FRMD4A: variants seen among roughly 807,000 people sequenced by gnomAD.
FRMD4A encodes the protein FERM domain containing 4A, also known as FERM domain-containing protein 4A.
FRMD4A carries 29 observed loss-of-function variants against 129.1 expected under a neutral mutation model. The observed-to-expected ratio is 0.22, with a 90% CI of 0.17 to 0.31. FRMD4A has a LOEUF of 0.31. FRMD4A is among the 10% of genes least tolerant of loss of function. The pLI is 1.00. For synonymous variants in FRMD4A, 634 were observed against 571.6 expected (o/e 1.11, Z -1.56); for missense variants, 1,272 against 1,375.8 (o/e 0.92, Z 1.19).
chr10:13,805,077 T>C (rs1365832346), intron 4 of FRMD4A, among the ~76,000 whole-genome samples: 1 of 152,202 alleles, frequency 6.6e-6, no homozygotes, highest in East Asian at 1.9e-4. Context: ...GGAAAGGGAA[T>C]ATAACTTCAA....
At chr10:13,650,840 C>G (rs1206455190) in intron 24 of FRMD4A, among the ~76,000 whole-genome samples, 1 of 152,220 alleles carries the variant, frequency 6.6e-6, no homozygotes, top group African/African-American at 2.4e-5. Context: ...CCTGTCTAAG[C>G]CCCCTCCTCC....
chr10:14,190,068 C>A (rs891804144), intron 2 of FRMD4A, among the ~76,000 whole-genome samples: 1 of 152,194 alleles, frequency 6.6e-6, no homozygotes, highest in Non-Finnish European at 1.5e-5. Context: ...ATATATTTGA[C>A]AAAACTTGTC....
intron 2 of FRMD4A, among the ~76,000 whole-genome samples, chr10:13,859,978 T>G (rs1159477525): frequency 3.3e-5 from 5 of 152,116 alleles, no homozygotes; most frequent in Non-Finnish European, 7.3e-5. Flanking sequence ...CAAAAATAAA[T>G]GGGCCGAGCC....
intron 2 of FRMD4A, among the ~76,000 whole-genome samples, chr10:14,183,377 A>G (rs1181835601): frequency 6.6e-6 from 1 of 152,232 alleles, no homozygotes; most frequent in African/African-American, 2.4e-5. Context: ...TAATTTTACA[A>G]GTTGGAATGG....
rs763606456 is a variant in FRMD4A at position 13,657,057 on chromosome 10, G to A, written c.2532C>T (p.Gly844=). ...GGCTGCGCACCACCACGGGCGTGGC[G>A]CCGCCCTCGATGTACAGCGGGTACT... The part of the protein sequence containing the change: ...IKEYPLYIEG[G]ATPVVVRSLE... Residue 844 remains glycine, a synonymous_variant, in exon 22 of 25, where the codon GGC becomes GGT. Transcript: ENST00000357447. The A allele has an allele frequency of 7.0e-6, 11 of 1,572,862 alleles. No homozygotes were observed. The highest frequency in any genetic ancestry group is 2.4e-5 in the East Asian group (1 of 42,260).
chr10:14,310,768 T>C (rs1846521442), intron 2 of FRMD4A, among the ~76,000 whole-genome samples: 3 of 152,186 alleles, frequency 2.0e-5, no homozygotes, highest in Admixed American at 6.5e-5. Context: ...TTATGTGCCC[T>C]ATGTAAATCA....
At chr10:14,065,435 C>T (rs563993531) in intron 2 of FRMD4A, among the ~76,000 whole-genome samples, 1 of 152,284 alleles carries the variant, frequency 6.6e-6, no homozygotes, top group Non-Finnish European at 1.5e-5. Context: ...TCTGCCTTGG[C>T]CTCCCAAAGT....
intron 2 of FRMD4A, among the ~76,000 whole-genome samples, chr10:13,900,544 G>T (rs2131191510): frequency 6.6e-6 from 1 of 152,252 alleles, no homozygotes; most frequent in East Asian, 1.9e-4. Flanking sequence ...GTATACTCAA[G>T]TACCTTCGGC....
chr10:13,836,004 G>GTTTTTGTTTTC, intron 3 of FRMD4A, among the ~76,000 whole-genome samples: 1 of 99,256 alleles, frequency 1.0e-5, no homozygotes, highest in Non-Finnish European at 2.1e-5. Context: ...GAGAATTCAA[G>GTTTTTGTTTTC]ATTTTGTTTT....
chr10:13,680,544 G>A (rs2084468055), intron 15 of FRMD4A, among the ~76,000 whole-genome samples: 1 of 151,064 alleles, frequency 6.6e-6, no homozygotes, highest in East Asian at 2.0e-4. Context: ...GGCCAACATG[G>A]CGAAACCCTG....
rs71388155 is a variant in FRMD4A at position 14,055,462 on chromosome 10, AACACACACACACAC to A, written c.46-196564_46-196551del. On this transcript the variant is annotated intron_variant, in intron 2 of 24. Coordinates refer to ENST00000357447, the MANE Select transcript of FRMD4A (RefSeq NM_018027.5). ...CTACACACACACACACACACACACA[AACACACACACACAC>A]ACACACACACACACACACACACTCA... Among the ~76,000 whole-genome samples the A allele has an allele frequency of 6.7e-3, 519 of 77,506 alleles. 3 individuals are homozygous for A. Among genetic ancestry groups the A allele is most frequent in the Non-Finnish European group, 0.012 (409 of 35,316 alleles). The allele number at this position is 77,506 out of a possible 152,430, so 50.8% of individuals were successfully genotyped here.
intron 19 of FRMD4A, among the ~76,000 whole-genome samples, chr10:13,662,089 A>G (rs907566277): frequency 6.6e-6 from 1 of 152,142 alleles, no homozygotes; most frequent in South Asian, 2.1e-4. Context: ...CCGTGACATT[A>G]CCTATTGCTC....
chr10:14,293,386 A>G (rs1296794624), intron 2 of FRMD4A, among the ~76,000 whole-genome samples: 3 of 152,214 alleles, frequency 2.0e-5, no homozygotes, highest in Non-Finnish European at 2.9e-5. Context: ...ACTGTGAGCC[A>G]AATAAATTCG....
Position 13,656,663 on chromosome 10 carries a change from T to A in FRMD4A, c.2926A>T (p.Met976Leu). ...GACGTGGCCTTGCACATCTGGGGCA[T>A]CCTGGTGACCCTGCTGTGCGCCACG... ...TFVAHSRVTR[M>L]PQMCKATSAA... The change falls in exon 22 of 25, where the codon ATG (methionine) becomes TTG (leucine). Residue 976 changes from methionine to leucine, a missense_variant. Met to Leu is a conservative substitution (Grantham distance 15). This residue lies in a region of FRMD4A where 972 missense variants were observed against 892.3 expected (regional missense o/e 1.09). Coordinates refer to ENST00000357447, the MANE Select transcript of FRMD4A (RefSeq NM_018027.5). 6.6e-7 allele frequency: 1 copy of A among 1,505,252 alleles called. No individual in the cohort carries two copies. Among genetic ancestry groups the A allele is most frequent in the East Asian group, 2.6e-5 (1 of 38,240 alleles). 93.2% of individuals were successfully genotyped at this position (1,505,252 alleles called of 1,614,324 possible).
chr10:13,946,377 T>C (rs1369974177), intron 2 of FRMD4A, among the ~76,000 whole-genome samples: 1 of 152,188 alleles, frequency 6.6e-6, no homozygotes, highest in Admixed American at 6.5e-5. Context: ...CAGCGAACGC[T>C]AGAGACTTCA....
intron 4 of FRMD4A, among the ~76,000 whole-genome samples, chr10:13,806,187 C>T (rs2093354562): frequency 6.6e-6 from 1 of 151,896 alleles, no homozygotes; most frequent in East Asian, 1.9e-4. Flanking sequence ...GGGGGTCTTG[C>T]TATTGCCCAG....
At chr10:14,165,255 T>A (rs773312978) in intron 2 of FRMD4A, among the ~76,000 whole-genome samples, 3 of 152,022 alleles carry the variant, frequency 2.0e-5, no homozygotes, top group African/African-American at 4.8e-5. Context: ...AACAAGCATA[T>A]GAAAAAATGC....
At position 13,810,832 on chromosome 10, in the gene FRMD4A, AT is replaced by A; in HGVS notation, c.187del (p.Ile63Ter). The A allele has an allele frequency of 6.3e-7, 1 of 1,583,326 alleles. No individual in the cohort carries two copies. The highest frequency in any genetic ancestry group is 8.7e-7 in the Non-Finnish European group (1 of 1,152,674). On this transcript the variant is annotated frameshift_variant, in exon 4 of 25. Transcript: ENST00000357447. LOFTEE classifies it high-confidence loss of function. ...FNLKEKEYFG[I>X]AFTDETGHLN... ...TACTTACGTTTCATCTGTGAATGCTATTCCAAAGTACTCCTTTTCCTTCAGA... is the reference window on the plus strand; with the variant it reads ...TACTTACGTTTCATCTGTGAATGCTATCCAAAGTACTCCTTTTCCTTCAGA...
chr10:14,219,415 A>G (rs1843176405), intron 2 of FRMD4A, among the ~76,000 whole-genome samples: 1 of 152,194 alleles, frequency 6.6e-6, no homozygotes, highest in Non-Finnish European at 1.5e-5. Context: ...TTCTCTGAGC[A>G]CCTACTTTGT....
Sources: gnomAD v4.1 joint callset for allele counts (sites outside exome capture counted in the v4.1 genomes callset) on GRCh38, gnomAD v4.1.1 for gene constraint, gnomAD v4.1.1 regional missense constraint, MANE v1.5 for transcripts, NCBI Gene and HGNC (gene_info 2026-07-23, HGNC 2026-07-21) for gene names.